Variants in NEGR1 observed in about 807,000 individuals in gnomAD.
NEGR1 encodes the protein IgLON family member 4.
In NEGR1, 10 loss-of-function variants were observed where a neutral mutation model predicts 40.9. That is an observed-to-expected ratio of 0.24 (90% CI 0.15 to 0.42). NEGR1 has a LOEUF of 0.42. Among genes scored for constraint, NEGR1 ranks in the 10% least tolerant of loss-of-function variants. The pLI, the probability that NEGR1 is intolerant of heterozygous loss-of-function variation, is 1.00. For missense variants in NEGR1, 352 were observed against 438.9 expected (o/e 0.80, Z 1.77); for synonymous variants, 185 against 166.8 (o/e 1.11, Z -0.84).
intron 5 of NEGR1, among the ~76,000 whole-genome samples, chr1:71,605,097 A>G (rs888171879): frequency 3.3e-5 from 5 of 152,178 alleles, no homozygotes; most frequent in Non-Finnish European, 5.9e-5. Flanking sequence ...TGCAGCTAAA[A>G]AATTCCAAAA....
chr1:72,154,114 G>C (rs1256791258), intron 1 of NEGR1, among the ~76,000 whole-genome samples: 1 of 151,748 alleles, frequency 6.6e-6, no homozygotes, highest in Non-Finnish European at 1.5e-5. Flanking sequence ...TTGGGCCTGA[G>C]AGACAATTGT....
At chr1:71,887,116 G>GA (rs1278876514) in intron 2 of NEGR1, among the ~76,000 whole-genome samples, 4 of 152,088 alleles carry the variant, frequency 2.6e-5, no homozygotes, top group African/African-American at 9.7e-5. Context: ...AAGTAAGCTA[G>GA]AAAAAATAAA....
intron 2 of NEGR1, among the ~76,000 whole-genome samples, chr1:71,899,285 G>A (rs896270711): frequency 5.3e-5 from 8 of 151,904 alleles, no homozygotes; most frequent in African/African-American, 1.9e-4. Flanking sequence ...GTGGGTTTAT[G>A]GTTAGAGTGG....
At chr1:71,642,840 T>C (rs1362764939) in intron 4 of NEGR1, among the ~76,000 whole-genome samples, 2 of 152,032 alleles carry the variant, frequency 1.3e-5, no homozygotes, top group Non-Finnish European at 2.9e-5. Flanking sequence ...GTATCTCCCT[T>C]ATCTTTTGTG....
At chr1:71,816,249 C>T (rs150418064) in intron 2 of NEGR1, among the ~76,000 whole-genome samples, 52 of 152,174 alleles carry the variant, frequency 3.4e-4, no homozygotes, top group African/African-American at 1.1e-3. Context: ...TACATGTCTT[C>T]TTTTCCCTCA....
At chr1:71,551,463 T>C (rs1473737211) in intron 6 of NEGR1, among the ~76,000 whole-genome samples, 1 of 151,634 alleles carries the variant, frequency 6.6e-6, no homozygotes, top group Non-Finnish European at 1.5e-5. Context: ...GTAAATTCAG[T>C]GTGATATATA....
rs1346251950 is a variant in NEGR1 at position 71,923,126 on chromosome 1, C to T, written c.409+11953G>A. Among the ~76,000 whole-genome samples, 3 of 152,094 alleles carry T rather than the reference C, an allele frequency of 2.0e-5. No homozygotes were observed. In the East Asian group the frequency reaches 5.8e-4, roughly 29 times the overall value. ...ATTTCAGCCCCTTTTATATGCAGCC[C>T]CTGTTCTGCTCACTCAGGTTAGGTC... On this transcript the variant is annotated intron_variant, in intron 2 of 6. Transcript: ENST00000357731.
chr1:71,824,924 T>C (rs1378056737), intron 2 of NEGR1, among the ~76,000 whole-genome samples: 1 of 151,950 alleles, frequency 6.6e-6, no homozygotes, highest in East Asian at 1.9e-4. Flanking sequence ...ATTTGAGTTG[T>C]TTTTAGTTTT....
chr1:71,868,436 A>AT (rs534497824), intron 2 of NEGR1, among the ~76,000 whole-genome samples: 3,563 of 149,880 alleles, frequency 0.024, 93 homozygotes, highest in African/African-American at 0.061. Flanking sequence ...TAGATGATAG[A>AT]AGATAGATAG....
chr1:72,108,622 G>A (rs1318885021), intron 1 of NEGR1, among the ~76,000 whole-genome samples: 1 of 151,568 alleles, frequency 6.6e-6, no homozygotes, highest in Non-Finnish European at 1.5e-5. Flanking sequence ...TAGAGAAGTT[G>A]CTTTACAGAA....
At chr1:72,226,464 A>G (rs191759666) in intron 1 of NEGR1, among the ~76,000 whole-genome samples, 84 of 152,140 alleles carry the variant, frequency 5.5e-4, no homozygotes, top group Non-Finnish European at 1.1e-3. Flanking sequence ...GACTTTATCA[A>G]ATTTCTAGAG....
intron 2 of NEGR1, among the ~76,000 whole-genome samples, chr1:71,842,473 A>C (rs1659276089): frequency 6.6e-6 from 1 of 152,198 alleles, no homozygotes; most frequent in East Asian, 1.9e-4. Context: ...TCTTAACGAA[A>C]TAAGGAGCTA....
chr1:71,741,024 G>A (rs1370745840), intron 3 of NEGR1, among the ~76,000 whole-genome samples: 9 of 152,130 alleles, frequency 5.9e-5, no homozygotes, highest in Admixed American at 4.6e-4. Flanking sequence ...AAATGGGAAT[G>A]AGTTTAGTCA....
intron 6 of NEGR1, chr1:71,422,401 T>C (rs1200148021): frequency 6.6e-6 from 1 of 152,240 alleles, no homozygotes; most frequent in East Asian, 1.9e-4. Flanking sequence ...TTCAAAGAAA[T>C]GCACAAATTG....
rs143822347 is a variant in NEGR1, at chr1:71,976,297, T to C, written c.177-40986A>G. On this transcript the variant is annotated intron_variant, in intron 1 of 6. Transcript: ENST00000357731. ...GAATTTCCATCCAAATGTAGATCAC[T>C]GAAGCAATGCGGATCCCATCAGCTT... Among the ~76,000 whole-genome samples the C allele has an allele frequency of 3.0e-4, 45 of 152,344 alleles. No homozygotes were observed. In the East Asian group the frequency reaches 8.7e-3, roughly 29 times the overall value.
intron 6 of NEGR1, among the ~76,000 whole-genome samples, chr1:71,423,825 C>A (rs1334538686): frequency 6.7e-6 from 1 of 149,036 alleles, no homozygotes; most frequent in Non-Finnish European, 1.5e-5. Context: ...CCTCACCCAC[C>A]CCCCCTTTTT....
At chr1:71,933,128 TA>T (rs1330380841) in intron 2 of NEGR1, among the ~76,000 whole-genome samples, 28 of 152,188 alleles carry the variant, frequency 1.8e-4, no homozygotes, top group African/African-American at 6.5e-4. Context: ...GAACATTCAA[TA>T]AGTACATTCG....
chr1:72,207,443 A>T (rs1245554076), intron 1 of NEGR1, among the ~76,000 whole-genome samples: 3 of 151,842 alleles, frequency 2.0e-5, no homozygotes, highest in African/African-American at 7.2e-5. Context: ...TATAGAAAGA[A>T]TGGAGAAAAA....
At chr1:72,129,132 T>C (rs915437881) in intron 1 of NEGR1, among the ~76,000 whole-genome samples, 1 of 152,164 alleles carries the variant, frequency 6.6e-6, no homozygotes, top group Non-Finnish European at 1.5e-5. Context: ...GCCCCCTTAA[T>C]AGTGTGAGAC....
Sources: gnomAD v4.1 joint callset for allele counts (sites outside exome capture counted in the v4.1 genomes callset) on GRCh38, gnomAD v4.1.1 for gene constraint, MANE v1.5 for transcripts, NCBI Gene and HGNC (gene_info 2026-07-23, HGNC 2026-07-21) for gene names.